The following PPP4R4 variants were observed in gnomAD, a reference collection of about 807,000 sequenced individuals.
PPP4R4 encodes protein phosphatase 4 regulatory subunit 4, also known as serine/threonine-protein phosphatase 4 regulatory subunit 4.
Under a neutral mutation model 121.8 loss-of-function variants are expected in PPP4R4, and 70 were observed. That is an observed-to-expected ratio of 0.57 (90% CI 0.47 to 0.70). PPP4R4 has a LOEUF of 0.70. PPP4R4 is among the 30% of genes least tolerant of loss of function. The pLI is 0.00. For missense variants in PPP4R4, 875 were observed against 1,033.6 expected (o/e 0.85, Z 2.10); for synonymous variants, 348 against 355.7 (o/e 0.98, Z 0.24).
chr14:94,183,516 A>G (rs1408135888), intron 2 of PPP4R4, among the ~76,000 whole-genome samples: 2 of 152,168 alleles, frequency 1.3e-5, no homozygotes, highest in African/African-American at 4.8e-5. Flanking sequence ...GGGTTTGGAG[A>G]TTGTTTCCCA....
chr14:94,249,490 T>G (rs1046959750), intron 14 of PPP4R4, among the ~76,000 whole-genome samples: 2 of 152,070 alleles, frequency 1.3e-5, no homozygotes, highest in African/African-American at 4.8e-5. Context: ...ATCAAGATAA[T>G]GAACATGAAT....
chr14:94,234,788 A>G, intron 7 of PPP4R4, 119 bp downstream of exon 7: 1 of 747,374 alleles, frequency 1.3e-6, no homozygotes, highest in Non-Finnish European at 2.2e-6. Flanking sequence ...TAAAAGAGAT[A>G]AAGAGGAATG....
At chr14:94,255,522 A>G (rs1204120496) in intron 16 of PPP4R4, among the ~76,000 whole-genome samples, 1 of 151,816 alleles carries the variant, frequency 6.6e-6, no homozygotes, top group East Asian at 1.9e-4. Flanking sequence ...AATGGCATGA[A>G]CCTGGGAGGC....
At chr14:94,244,787 C>T in intron 12 of PPP4R4, 75 bp downstream of exon 12, 1 of 1,357,418 alleles carries the variant, frequency 7.4e-7, no homozygotes, top group Non-Finnish European at 9.7e-7. Flanking sequence ...TTCTCCCCTT[C>T]TTCTTGGAAT....
chr14:94,174,757 C>T (rs1354252651), intron 1 of PPP4R4, among the ~76,000 whole-genome samples, 175 bp downstream of exon 1: 1 of 151,900 alleles, frequency 6.6e-6, no homozygotes, highest in Non-Finnish European at 1.5e-5. Flanking sequence ...TAAGCCAGTT[C>T]CCTCTCGGAC....
chr14:94,276,941 C>T (rs1894674880), intron 24 of PPP4R4, among the ~76,000 whole-genome samples: 1 of 152,136 alleles, frequency 6.6e-6, no homozygotes, highest in African/African-American at 2.4e-5. Flanking sequence ...TTTTTATTTA[C>T]AGAGAATGCT....
chr14:94,228,777 G>A lies in PPP4R4; in HGVS notation c.295-1810G>A, dbSNP rs182626103. The stretch of plus-strand genomic sequence containing the variant: ...ACTGAATGCCTGCTGTGTGCTAGGA[G>A]GTGGGGACACATGAAGCTTGTGTCC... On this transcript the variant is annotated intron_variant, in intron 3 of 24. Coordinates refer to ENST00000304338, the MANE Select transcript of PPP4R4 (RefSeq NM_058237.2). Among the ~76,000 whole-genome samples the A allele has an allele frequency of 2.6e-5, 4 of 152,284 alleles. No individual in the cohort carries two copies. In the East Asian group the frequency reaches 7.7e-4, roughly 29 times the overall value.
chr14:94,201,959 CAT>C, intron 2 of PPP4R4, among the ~76,000 whole-genome samples: 1 of 150,086 alleles, frequency 6.7e-6, no homozygotes, highest in Admixed American at 6.6e-5. Flanking sequence ...TATATATATA[CAT>C]ATATATACAC....
chr14:94,277,076 A>T (rs891799581), intron 24 of PPP4R4, among the ~76,000 whole-genome samples: 1 of 152,196 alleles, frequency 6.6e-6, no homozygotes, highest in African/African-American at 2.4e-5. Flanking sequence ...AGGCAGGTGG[A>T]TCATCTGAGG....
intron 23 of PPP4R4, among the ~76,000 whole-genome samples, 171 bp from the exon 24 acceptor site, chr14:94,275,203 G>A (rs1301412936): frequency 1.3e-5 from 2 of 152,114 alleles, no homozygotes; most frequent in African/African-American, 4.8e-5. Context: ...CTTCATGGGG[G>A]TGTACATATG....
chr14:94,221,446 T>G (rs180739038), intron 3 of PPP4R4, among the ~76,000 whole-genome samples: 7 of 152,136 alleles, frequency 4.6e-5, no homozygotes, highest in Admixed American at 4.6e-4. Flanking sequence ...GTAAATCACA[T>G]AGATGACAAA....
In PPP4R4 at chr14:94,231,347, G is replaced by A. The variant is rs564090305; in HGVS notation, c.516+32G>A. ...CTTTCATGGGGGCAAATACTAATAA[G>A]TAAGTCACTCTAAGGTTTTTTTTTA... On this transcript the variant is annotated intron_variant, in intron 5 of 24. Coordinates refer to ENST00000304338, the MANE Select transcript of PPP4R4 (RefSeq NM_058237.2). 180 of 1,536,082 alleles carry A rather than the reference G, an allele frequency of 1.2e-4. 1 individual carries two copies. In the East Asian group the frequency reaches 3.9e-3, roughly 34 times the overall value.
chr14:94,241,861 A>G lies in PPP4R4; in HGVS notation c.1050A>G (p.Gln350=), dbSNP rs1892652901. ...AACTTTGTACATTGGGTTTGCAACA[A>G]GAAAATGGACACAATGAAAACCAGA... ...YKKLCTLGLQ[Q]ENGHNENQIP... is the part of the protein sequence containing the mutation. The change falls in exon 10 of 25, where the codon CAA becomes CAG. Residue 350 remains glutamine (Q), a synonymous_variant. Transcript: ENST00000304338. 6.2e-7 allele frequency: 1 copy of G among 1,610,384 alleles called. No individual in the cohort carries two copies.
At chr14:94,247,163 T>C (rs1213522138) in intron 14 of PPP4R4, among the ~76,000 whole-genome samples, 1 of 152,238 alleles carries the variant, frequency 6.6e-6, no homozygotes, top group African/African-American at 2.4e-5. Context: ...CACAGAAATT[T>C]CCAAGGGGAT....
Position 94,245,681 on chromosome 14 carries a change from T to C in PPP4R4, c.1428+11T>C, listed in dbSNP as rs554639107. On this transcript the variant is annotated intron_variant, in intron 13 of 24. Coordinates refer to ENST00000304338, the MANE Select transcript of PPP4R4 (RefSeq NM_058237.2). Reference sequence around the variant, plus strand: ...GTTCAAGAAAATAAGGTAAACTTCATCTTTCAGAAACATTCTGAGTTGTGT... The same window carrying C: ...GTTCAAGAAAATAAGGTAAACTTCACCTTTCAGAAACATTCTGAGTTGTGT... 3.3e-5 allele frequency: 51 copies of C among 1,543,000 alleles called. No individual in the cohort carries two copies. The highest frequency in any genetic ancestry group is 4.0e-5 in the Non-Finnish European group (45 of 1,120,656).
At chr14:94,228,895 A>G (rs1280833748) in intron 3 of PPP4R4, among the ~76,000 whole-genome samples, 1 of 152,126 alleles carries the variant, frequency 6.6e-6, no homozygotes, top group Non-Finnish European at 1.5e-5. Flanking sequence ...GAGAACTGGG[A>G]TAAGGAGGTG....
chr14:94,227,901 C>T (rs975930608), intron 3 of PPP4R4: 1 of 978,624 alleles, frequency 1.0e-6, no homozygotes, highest in African/African-American at 1.8e-5. Flanking sequence ...TTTTCCAAAC[C>T]CCAAATTGTT....
intron 1 of PPP4R4, 115 bp downstream of exon 1, chr14:94,174,697 C>A: frequency 6.8e-7 from 1 of 1,461,808 alleles, no homozygotes; most frequent in South Asian, 1.4e-5. Context: ...CGCCGGGACC[C>A]TCTCAGTCGG....
In PPP4R4 at chr14:94,245,658, T is replaced by C. The variant is rs1160938524; in HGVS notation, c.1416T>C (p.Val472=). Reference sequence around the variant, plus strand: ...TGTCTACTGGTGGAGAAAGCAGTGTTCAAGAAAATAAGGTAAACTTCATCT... The same window carrying C: ...TGTCTACTGGTGGAGAAAGCAGTGTCCAAGAAAATAAGGTAAACTTCATCT... ...ELMSTGGESS[V]QENKLSSLPD... Residue 472 remains valine, a synonymous_variant, in exon 13 of 25, where the codon GTT becomes GTC. Coordinates refer to ENST00000304338, the MANE Select transcript of PPP4R4 (RefSeq NM_058237.2). The C allele has an allele frequency of 6.3e-7, 1 of 1,590,144 alleles. No homozygotes were observed. Among genetic ancestry groups the C allele is most frequent in the Non-Finnish European group, 8.6e-7 (1 of 1,161,046 alleles).
Sources: allele counts gnomAD v4.1 joint callset (sites outside exome capture counted in the v4.1 genomes callset), GRCh38; gene constraint gnomAD v4.1.1; transcripts MANE v1.5; gene names NCBI Gene and HGNC (gene_info 2026-07-23, HGNC 2026-07-21).